The following RUNDC3B variants were observed in gnomAD, a reference collection of about 807,000 sequenced individuals.
RUNDC3B encodes RUN domain-containing protein 3B.
Under a neutral mutation model 58.4 loss-of-function variants are expected in RUNDC3B, and 33 were observed. That is an observed-to-expected ratio of 0.56 (90% confidence interval 0.43 to 0.75). The LOEUF (loss-of-function observed/expected upper bound fraction) is 0.75, where lower values mean the gene tolerates loss of function less well. RUNDC3B is among the 30% of genes least tolerant of loss of function. The pLI is 0.00. For synonymous variants in RUNDC3B, 193 were observed against 195.2 expected (o/e 0.99, Z 0.10); for missense variants, 501 against 535.7 (o/e 0.94, Z 0.64).
At chr7:87,696,299 G>A (rs1296229517) in intron 2 of RUNDC3B, among the ~76,000 whole-genome samples, 2 of 152,082 alleles carry the variant, frequency 1.3e-5, no homozygotes, top group African/African-American at 4.8e-5. Context: ...AGTATTTGAG[G>A]AGTGGTTATT....
intron 4 of RUNDC3B, among the ~76,000 whole-genome samples, chr7:87,714,501 A>G (rs1038963563): frequency 2.6e-5 from 4 of 152,204 alleles, no homozygotes; most frequent in Admixed American, 1.3e-4. Context: ...AGAATTTACA[A>G]TATAGTGTGT....
chr7:87,808,142 A>T (rs1047600685), intron 9 of RUNDC3B, among the ~76,000 whole-genome samples: 1 of 151,294 alleles, frequency 6.6e-6, no homozygotes, highest in African/African-American at 2.4e-5. Context: ...CACCTTAATC[A>T]TTTTTTCACT....
At chr7:87,674,920 G>A (rs530154471) in intron 2 of RUNDC3B, among the ~76,000 whole-genome samples, 1 of 152,162 alleles carries the variant, frequency 6.6e-6, no homozygotes, top group African/African-American at 2.4e-5. Context: ...TGGGGGAGGG[G>A]CATCCTTGGA....
At chr7:87,753,986 A>G (rs553268372) in intron 6 of RUNDC3B, among the ~76,000 whole-genome samples, 1 of 152,226 alleles carries the variant, frequency 6.6e-6, no homozygotes, top group Non-Finnish European at 1.5e-5. Context: ...ATAAAAGTAC[A>G]TTCCAAGAAA....
chr7:87,725,656 G>C (rs527822688), intron 4 of RUNDC3B, among the ~76,000 whole-genome samples: 2 of 152,312 alleles, frequency 1.3e-5, no homozygotes, highest in East Asian at 3.9e-4. Flanking sequence ...GATCCTTGAG[G>C]AATTGCCACA....
chr7:87,748,519 C>T (rs1391044000), intron 6 of RUNDC3B, among the ~76,000 whole-genome samples: 5 of 152,162 alleles, frequency 3.3e-5, no homozygotes, highest in Non-Finnish European at 7.4e-5. Context: ...GATCTACAAT[C>T]TTTATATACT....
At chr7:87,730,046 A>G (rs1462326633) in intron 4 of RUNDC3B, among the ~76,000 whole-genome samples, 5 of 152,182 alleles carry the variant, frequency 3.3e-5, no homozygotes, top group African/African-American at 1.2e-4. Context: ...TGCAGACTTA[A>G]GAGCCCTTGG....
chr7:87,761,877 A>T (rs113750656), intron 6 of RUNDC3B, among the ~76,000 whole-genome samples: 9 of 151,880 alleles, frequency 5.9e-5, no homozygotes, highest in African/African-American at 2.2e-4. Flanking sequence ...CTTTGTTAAC[A>T]TGATATATTT....
At chr7:87,663,369 G>T (rs76190983) in intron 2 of RUNDC3B, among the ~76,000 whole-genome samples, 1 of 151,900 alleles carries the variant, frequency 6.6e-6, no homozygotes, top group Admixed American at 6.6e-5. Flanking sequence ...CAGTTCAGCT[G>T]CATTCTTCCC....
At chr7:87,683,753 G>T (rs1827172146) in intron 2 of RUNDC3B, among the ~76,000 whole-genome samples, 2 of 152,132 alleles carry the variant, frequency 1.3e-5, no homozygotes. Context: ...ACCAAAACAT[G>T]ACAGGGAGAC....
At chr7:87,691,254 C>T (rs1448195967) in intron 2 of RUNDC3B, among the ~76,000 whole-genome samples, 1 of 152,080 alleles carries the variant, frequency 6.6e-6, no homozygotes, top group Non-Finnish European at 1.5e-5. Flanking sequence ...TTGAAAAGTA[C>T]ATACTTCTTG....
intron 2 of RUNDC3B, among the ~76,000 whole-genome samples, chr7:87,670,548 C>G (rs1034083802): frequency 6.6e-6 from 1 of 152,230 alleles, no homozygotes; most frequent in Non-Finnish European, 1.5e-5. Flanking sequence ...ATACAATACT[C>G]TGAACATTTG....
chr7:87,739,575 G>T (rs1036045877), intron 4 of RUNDC3B, among the ~76,000 whole-genome samples: 4 of 151,880 alleles, frequency 2.6e-5, no homozygotes, highest in African/African-American at 9.7e-5. Context: ...ATATTGGCAG[G>T]TTTTAGTTTC....
At chr7:87,727,011 T>C (rs1311876963) in intron 4 of RUNDC3B, among the ~76,000 whole-genome samples, 2 of 152,200 alleles carry the variant, frequency 1.3e-5, no homozygotes. Context: ...GTTTTCTAAA[T>C]ATACAATCAT....
intron 8 of RUNDC3B, among the ~76,000 whole-genome samples, chr7:87,782,254 G>A (rs1367210472): frequency 1.1e-4 from 17 of 152,078 alleles, no homozygotes; most frequent in Non-Finnish European, 1.5e-5. Context: ...TAGTTTGTGT[G>A]CATAAAACTG....
chr7:87,669,430 C>T (rs1825612324), intron 2 of RUNDC3B, among the ~76,000 whole-genome samples: 1 of 152,002 alleles, frequency 6.6e-6, no homozygotes, highest in Middle Eastern at 3.2e-3. Context: ...TTTTATCCAG[C>T]TTCTCACTGT....
At chr7:87,814,826 T>C (rs1836943289) in intron 9 of RUNDC3B, among the ~76,000 whole-genome samples, 1 of 152,122 alleles carries the variant, frequency 6.6e-6, no homozygotes, top group African/African-American at 2.4e-5. Context: ...GTGAGAACAC[T>C]GTATTATAAG....
At chr7:87,824,720 T>C (rs1837704075) in intron 10 of RUNDC3B, among the ~76,000 whole-genome samples, 1 of 152,152 alleles carries the variant, frequency 6.6e-6, no homozygotes. Context: ...CTGATAATGA[T>C]ATGGACAATG....
rs1829278840 is a variant in RUNDC3B at position 87,703,590 on chromosome 7, G to T, written c.372+3036G>T. ...CTTCAATATCTTTCAACTCTCTCAG[G>T]TTGGATCAGTTTTCTTCTCTGTCTC... On this transcript the variant is annotated intron_variant, in intron 3 of 10. Transcript: ENST00000394654. Among the ~76,000 whole-genome samples the T allele has an allele frequency of 3.3e-5, 5 of 152,144 alleles. No individual in the cohort carries two copies. In the South Asian group the frequency reaches 1.0e-3, roughly 32 times the overall value.
Sources: allele counts gnomAD v4.1 joint callset (sites outside exome capture counted in the v4.1 genomes callset), GRCh38; gene constraint gnomAD v4.1.1; transcripts MANE v1.5; gene names NCBI Gene and HGNC (gene_info 2026-07-23, HGNC 2026-07-21).